The following KCTD16 variants were observed in gnomAD, a reference collection of about 807,000 sequenced individuals.
KCTD16 encodes BTB/POZ domain-containing protein KCTD16.
Under a neutral mutation model 33.2 loss-of-function variants are expected in KCTD16, and 13 were observed. That is an observed-to-expected ratio of 0.39 (90% confidence interval 0.25 to 0.62). The LOEUF is 0.62. Ranked by LOEUF, KCTD16 falls within the 20% of genes least tolerant of loss-of-function variation. KCTD16 has a pLI of 0.50. For synonymous variants in KCTD16, 197 were observed against 195.3 expected (o/e 1.01, Z -0.07); for missense variants, 441 against 525.1 (o/e 0.84, Z 1.57).
At chr5:144,228,820 A>G (rs1289619687) in intron 3 of KCTD16, among the ~76,000 whole-genome samples, 4 of 152,192 alleles carry the variant, frequency 2.6e-5, no homozygotes, top group Non-Finnish European at 4.4e-5. Flanking sequence ...TATTGAATAG[A>G]TATGTAGCCG....
intron 3 of KCTD16, among the ~76,000 whole-genome samples, chr5:144,332,057 G>A (rs1752375600): frequency 6.6e-6 from 1 of 152,096 alleles, no homozygotes; most frequent in Non-Finnish European, 1.5e-5. Context: ...AAAGACAACA[G>A]ATTAAAGCAA....
intron 2 of KCTD16, chr5:144,206,047 C>A (rs1486154047): frequency 6.5e-6 from 1 of 153,038 alleles, no homozygotes; most frequent in African/African-American, 2.4e-5. Flanking sequence ...CTAAGGTAAG[C>A]TCTAAGACTT....
At chr5:144,425,806 A>T (rs1753315997) in intron 3 of KCTD16, among the ~76,000 whole-genome samples, 1 of 151,958 alleles carries the variant, frequency 6.6e-6, no homozygotes, top group African/African-American at 2.4e-5. Context: ...ATCACCTGAA[A>T]CTATTCTGCC....
At chr5:144,175,353 A>G (rs1752482906) in intron 2 of KCTD16, among the ~76,000 whole-genome samples, 1 of 152,222 alleles carries the variant, frequency 6.6e-6, no homozygotes, top group African/African-American at 2.4e-5. Flanking sequence ...CTGTATTGTT[A>G]TTGTGTTATG....
At chr5:144,405,374 T>C (rs1752788328) in intron 3 of KCTD16, among the ~76,000 whole-genome samples, 1 of 152,194 alleles carries the variant, frequency 6.6e-6, no homozygotes, top group South Asian at 2.1e-4. Context: ...TGTTGTGAGC[T>C]TTAAAGACTT....
chr5:144,381,510 G>A (rs1752214613), intron 3 of KCTD16, among the ~76,000 whole-genome samples: 1 of 152,168 alleles, frequency 6.6e-6, no homozygotes, highest in Admixed American at 6.5e-5. Context: ...TGGCTTCTAG[G>A]GAGGCCTCAG....
At position 144,483,222 on chromosome 5, in the gene KCTD16, T is replaced by C. The variant is rs942675460; in HGVS notation, c.*9108T>C. ...TAATGTTTAAGAAGAAAAAGAAAAA[T>C]GTAGGTGTATGATAGCACAAATTCA... On this transcript the variant is annotated 3_prime_UTR_variant, in exon 4 of 4. Transcript: ENST00000512467. 6.7e-6 allele frequency: 1 copy of C among 148,496 alleles called. No homozygotes were observed. Among genetic ancestry groups the C allele is most frequent in the African/African-American group, 2.5e-5 (1 of 40,214 alleles). 9.2% of individuals were successfully genotyped at this position (148,496 alleles called of 1,614,324 possible).
intron 3 of KCTD16, among the ~76,000 whole-genome samples, chr5:144,224,383 G>GTTT (rs530446253): frequency 0.09 from 8,999 of 99,868 alleles, 588 homozygotes; most frequent in Middle Eastern, 0.15. Context: ...AATATAATGT[G>GTTT]TTTTTTTTTT....
chr5:144,443,377 A>G (rs971279902), intron 3 of KCTD16, among the ~76,000 whole-genome samples: 2 of 152,042 alleles, frequency 1.3e-5, no homozygotes, highest in Non-Finnish European at 2.9e-5. Flanking sequence ...ATACCTTAAC[A>G]GTTGTTTTTA....
At chr5:144,434,120 G>A (rs1753526850) in intron 3 of KCTD16, among the ~76,000 whole-genome samples, 1 of 152,166 alleles carries the variant, frequency 6.6e-6, no homozygotes, top group Non-Finnish European at 1.5e-5. Flanking sequence ...GCCAGTCTGA[G>A]CTGGGAGATT....
At chr5:144,404,574 G>A (rs1320191425) in intron 3 of KCTD16, among the ~76,000 whole-genome samples, 3 of 152,164 alleles carry the variant, frequency 2.0e-5, no homozygotes, top group Non-Finnish European at 4.4e-5. Flanking sequence ...GTTGGCATAT[G>A]TCGACATGCT....
At chr5:144,231,032 T>C (rs1295677721) in intron 3 of KCTD16, among the ~76,000 whole-genome samples, 1 of 152,168 alleles carries the variant, frequency 6.6e-6, no homozygotes, top group Admixed American at 6.5e-5. Flanking sequence ...TGAAGGGCCT[T>C]ATGTGACGTG....
intron 3 of KCTD16, among the ~76,000 whole-genome samples, chr5:144,406,913 A>G (rs1752820921): frequency 6.6e-6 from 1 of 152,154 alleles, no homozygotes; most frequent in South Asian, 2.1e-4. Context: ...TCTTTCCAGG[A>G]TTTGGAGATC....
At chr5:144,192,275 G>A (rs941578214) in intron 2 of KCTD16, among the ~76,000 whole-genome samples, 2 of 152,134 alleles carry the variant, frequency 1.3e-5, no homozygotes, top group African/African-American at 2.4e-5. Flanking sequence ...TCCTGATGAC[G>A]TCTCAAGTCG....
At chr5:144,455,794 A>G (rs970676875) in intron 3 of KCTD16, among the ~76,000 whole-genome samples, 1 of 152,198 alleles carries the variant, frequency 6.6e-6, no homozygotes, top group African/African-American at 2.4e-5. Flanking sequence ...GGACTTCCAT[A>G]AATTGGGAGT....
chr5:144,452,272 T>C (rs1318085451), intron 3 of KCTD16, among the ~76,000 whole-genome samples: 1 of 151,544 alleles, frequency 6.6e-6, no homozygotes, highest in Non-Finnish European at 1.5e-5. Context: ...TAATCTATGT[T>C]TGAACATACT....
rs77944157 is a variant in KCTD16 at position 144,198,728 on chromosome 5, A to G, written c.-326-7661A>G. Among the ~76,000 whole-genome samples the G allele has an allele frequency of 2.9e-3, 445 of 151,782 alleles. 3 individuals are homozygous for G. The highest frequency in any genetic ancestry group is 8.3e-3 in the Admixed American group (127 of 15,270). ...TCATCATCCTTTGAAAGGTGTAGATACTTTCCAAGTTAGAAGCCCTGTTTT... is the reference window on the plus strand; with the variant it reads ...TCATCATCCTTTGAAAGGTGTAGATGCTTTCCAAGTTAGAAGCCCTGTTTT... On this transcript the variant is annotated intron_variant, in intron 2 of 3. Transcript: ENST00000512467.
chr5:144,291,985 C>A (rs1043385577), intron 3 of KCTD16, among the ~76,000 whole-genome samples: 1 of 152,148 alleles, frequency 6.6e-6, no homozygotes, highest in Admixed American at 6.5e-5. Context: ...AATTAGACTG[C>A]ATTAATGAAG....
At chr5:144,467,548 G>T (rs1029030792) in intron 3 of KCTD16, among the ~76,000 whole-genome samples, 1 of 152,108 alleles carries the variant, frequency 6.6e-6, no homozygotes, top group Non-Finnish European at 1.5e-5. Context: ...AAACCCACCC[G>T]TGTTTACACA....
Sources: gnomAD v4.1 joint callset for allele counts (sites outside exome capture counted in the v4.1 genomes callset) on GRCh38, gnomAD v4.1.1 for gene constraint, MANE v1.5 for transcripts, NCBI Gene and HGNC (gene_info 2026-07-23, HGNC 2026-07-21) for gene names.